The following CSMD1 variants were observed in gnomAD, a reference collection of about 807,000 sequenced individuals.
The protein encoded by CSMD1 is CUB and sushi domain-containing protein 1.
Under a neutral mutation model 417.5 loss-of-function variants are expected in CSMD1, and 213 were observed. That is an observed-to-expected ratio of 0.51 (90% CI 0.46 to 0.57). The LOEUF is 0.57. CSMD1 is among the 20% of genes least tolerant of loss of function. The probability of loss-of-function intolerance (pLI) is 0.00; values close to 1 mark genes in which losing one functional copy is unlikely to be tolerated. For synonymous variants in CSMD1, 2,862 were observed against 1,736.8 expected, an observed-to-expected ratio of 1.65 and a Z score of -16.11; for missense variants, 6,923 against 4,529.7, an observed-to-expected ratio of 1.53 and a Z score of -15.17.
At chr8:3,498,714 G>A (rs1287209424) in intron 10 of CSMD1, among the ~76,000 whole-genome samples, 1 of 151,834 alleles carries the variant, frequency 6.6e-6, no homozygotes, top group East Asian at 1.9e-4. Context: ...TGTCTGACTG[G>A]CTTATTCCGA....
At chr8:4,568,610 A>C (rs548598396) in intron 2 of CSMD1, among the ~76,000 whole-genome samples, 5 of 152,316 alleles carry the variant, frequency 3.3e-5, no homozygotes, top group Non-Finnish European at 7.3e-5. Flanking sequence ...TAATAGAAAG[A>C]TGTATAATCC....
At chr8:4,473,704 G>C (rs552380386) in intron 2 of CSMD1, among the ~76,000 whole-genome samples, 9 of 152,250 alleles carry the variant, frequency 5.9e-5, no homozygotes, top group African/African-American at 2.2e-4. Flanking sequence ...ATGATGTAAG[G>C]TATGCAGGAA....
intron 5 of CSMD1, among the ~76,000 whole-genome samples, chr8:3,819,083 G>C (rs756690893): frequency 1.3e-5 from 2 of 152,172 alleles, no homozygotes; most frequent in African/African-American, 2.4e-5. Context: ...CATAGCTTAA[G>C]GCAGAGTAGA....
chr8:4,314,301 G>A (rs1466262059), intron 3 of CSMD1, among the ~76,000 whole-genome samples: 3 of 152,108 alleles, frequency 2.0e-5, no homozygotes, highest in Non-Finnish European at 4.4e-5. Flanking sequence ...TAGGATTAAA[G>A]AAGAAGAAAA....
intron 3 of CSMD1, among the ~76,000 whole-genome samples, chr8:4,385,091 T>G (rs1803359855): frequency 6.6e-6 from 1 of 152,130 alleles, no homozygotes; most frequent in South Asian, 2.1e-4. Flanking sequence ...CACACCCAGC[T>G]AATTTTTGTA....
intron 54 of CSMD1, 25 bp from the exon 55 acceptor site, chr8:2,978,825 C>T: frequency 6.4e-7 from 1 of 1,559,192 alleles, no homozygotes; most frequent in Non-Finnish European, 8.7e-7. Flanking sequence ...ATTTCACACA[C>T]CATTTAGAAA....
Position 4,888,504 on chromosome 8 carries a change from TGAG to T in CSMD1, c.85+105825_85+105827del, listed in dbSNP as rs1246040554. On this transcript the variant is annotated intron_variant, in intron 1 of 69. Coordinates refer to ENST00000635120, the MANE Select transcript of CSMD1 (RefSeq NM_033225.6). ...ACATACAGAAGGATAGACTGATAGATGAGAGAGAGAGAGAGAGAGAGAGAGGTA... is the reference window on the plus strand; with the variant it reads ...ACATACAGAAGGATAGACTGATAGATAGAGAGAGAGAGAGAGAGAGAGGTA... 1.4e-5 allele frequency among the ~76,000 whole-genome samples: 2 copies of T among 145,234 alleles called. 1 individual carries two copies. Among genetic ancestry groups the T allele is most frequent in the African/African-American group, 5.1e-5 (2 of 39,494 alleles).
intron 1 of CSMD1, among the ~76,000 whole-genome samples, chr8:4,962,375 T>C (rs1215923313): frequency 6.6e-6 from 1 of 152,002 alleles, no homozygotes; most frequent in Non-Finnish European, 1.5e-5. Context: ...CTTGACTGCT[T>C]AATTTTATAA....
intron 62 of CSMD1, among the ~76,000 whole-genome samples, chr8:2,959,944 G>C (rs1228409328): frequency 6.6e-6 from 1 of 152,144 alleles, no homozygotes; most frequent in Non-Finnish European, 1.5e-5. Context: ...TCGTGTTAGT[G>C]TAACTAATTT....
intron 3 of CSMD1, among the ~76,000 whole-genome samples, chr8:4,045,426 A>C (rs972976808): frequency 7.9e-5 from 12 of 152,336 alleles, no homozygotes; most frequent in African/African-American, 2.9e-4. Flanking sequence ...TGGCCACAGC[A>C]GTAGAAATGA....
At chr8:3,984,071 G>C (rs1359166675) in intron 5 of CSMD1, among the ~76,000 whole-genome samples, 1 of 147,134 alleles carries the variant, frequency 6.8e-6, no homozygotes, top group Non-Finnish European at 1.5e-5. Flanking sequence ...TGCAGCTCTA[G>C]AGCACACCAC....
chr8:3,721,531 G>C (rs1403264307), intron 6 of CSMD1, among the ~76,000 whole-genome samples: 1 of 152,192 alleles, frequency 6.6e-6, no homozygotes, highest in Non-Finnish European at 1.5e-5. Flanking sequence ...GGCACAAAGA[G>C]AAACATATTC....
intron 3 of CSMD1, among the ~76,000 whole-genome samples, chr8:4,077,656 A>G (rs1434269348): frequency 6.6e-6 from 1 of 152,104 alleles, no homozygotes; most frequent in African/African-American, 2.4e-5. Flanking sequence ...AAAGGGAGGT[A>G]TATTTGATCT....
At chr8:3,958,582 C>T (rs931572957) in intron 5 of CSMD1, among the ~76,000 whole-genome samples, 1 of 152,056 alleles carries the variant, frequency 6.6e-6, no homozygotes, top group African/African-American at 2.4e-5. Context: ...TCTGCTTGTT[C>T]TTTATCCATT....
intron 1 of CSMD1, among the ~76,000 whole-genome samples, chr8:4,658,511 C>T (rs1487522448): frequency 6.6e-6 from 1 of 152,136 alleles, no homozygotes; most frequent in Non-Finnish European, 1.5e-5. Flanking sequence ...ACTCACTATT[C>T]TACATTCAGC....
chr8:4,339,468 A>T (rs949086165), intron 3 of CSMD1, among the ~76,000 whole-genome samples: 1 of 152,132 alleles, frequency 6.6e-6, no homozygotes, highest in Non-Finnish European at 1.5e-5. Context: ...AGCTACCGCG[A>T]AATGAGATAC....
At chr8:4,735,066 T>C (rs1445274491) in intron 1 of CSMD1, among the ~76,000 whole-genome samples, 2 of 152,178 alleles carry the variant, frequency 1.3e-5, no homozygotes, top group Non-Finnish European at 2.9e-5. Context: ...TAGAAGCAAA[T>C]TGCTGCTCGT....
At chr8:3,373,554 G>A (rs1350119925) in intron 18 of CSMD1, 1 of 152,176 alleles carries the variant, frequency 6.6e-6, no homozygotes, top group Non-Finnish European at 1.5e-5. Context: ...TTGAAGTGAG[G>A]AGATGAGAGA....
chr8:4,988,052 T>A (rs528663628), intron 1 of CSMD1, among the ~76,000 whole-genome samples: 1 of 152,304 alleles, frequency 6.6e-6, no homozygotes, highest in East Asian at 1.9e-4. Context: ...CCTTTATATA[T>A]ACATTTATCC....
Sources: allele counts gnomAD v4.1 joint callset (sites outside exome capture counted in the v4.1 genomes callset), GRCh38; gene constraint gnomAD v4.1.1; transcripts MANE v1.5; gene names NCBI Gene and HGNC (gene_info 2026-07-23, HGNC 2026-07-21).